Variants in DTD1 observed in about 807,000 individuals in gnomAD.
DTD1 encodes D-aminoacyl-tRNA deacylase 1.
DTD1 carries 13 observed loss-of-function variants against 25.6 expected under a neutral mutation model. The observed-to-expected ratio is 0.51, with a 90% CI of 0.33 to 0.81. The LOEUF (loss-of-function observed/expected upper bound fraction) is 0.81. Ranked by LOEUF, DTD1 falls within the 30% of genes least tolerant of loss-of-function variation. DTD1 has a pLI of 0.02. For synonymous variants in DTD1, 110 were observed against 103.6 expected (o/e 1.06, Z -0.37); for missense variants, 193 against 266.4 (o/e 0.72, Z 1.92).
chr20:18,661,371 C>CTTTTTT (rs565601536), intron 4 of DTD1, among the ~76,000 whole-genome samples: 3 of 120,210 alleles, frequency 2.5e-5, no homozygotes, highest in Non-Finnish European at 3.4e-5. Context: ...GTCTTCTAGT[C>CTTTTTT]TTTTTTTTTT....
chr20:18,636,384 CAGT>C (rs2060807480), intron 4 of DTD1, among the ~76,000 whole-genome samples: 1 of 152,186 alleles, frequency 6.6e-6, no homozygotes, highest in South Asian at 2.1e-4. Flanking sequence ...TTCTGCCAGT[CAGT>C]GGTGTTTTGC....
At chr20:18,601,523 A>G (rs6045498) in intron 3 of DTD1, among the ~76,000 whole-genome samples, 74,978 of 146,526 alleles carry the variant, frequency 0.51, 19,698 homozygotes, top group Middle Eastern at 0.56. Context: ...AAAAAAAAGC[A>G]GTCTGACAGC....
intron 4 of DTD1, chr20:18,632,280 C>G: frequency 1.0e-6 from 1 of 985,466 alleles, no homozygotes; most frequent in African/African-American, 1.7e-5. Context: ...GTTTTCTCCT[C>G]AAATACACAA....
intron 4 of DTD1, among the ~76,000 whole-genome samples, chr20:18,668,606 C>T (rs1157592408): frequency 1.3e-5 from 2 of 152,068 alleles, no homozygotes; most frequent in Admixed American, 1.3e-4. Context: ...CCTGGGGCCA[C>T]CACTGCCAGT....
At chr20:18,709,392 AT>A (rs767064995) in intron 4 of DTD1, among the ~76,000 whole-genome samples, 1 of 152,070 alleles carries the variant, frequency 6.6e-6, no homozygotes, top group Non-Finnish European at 1.5e-5. Context: ...GATGGTTGCC[AT>A]TTCCCTCCCT....
At chr20:18,687,959 TATC>T (rs1304077124) in intron 4 of DTD1, among the ~76,000 whole-genome samples, 2 of 152,236 alleles carry the variant, frequency 1.3e-5, no homozygotes, top group African/African-American at 4.8e-5. Context: ...TTAAGCAAGG[TATC>T]ATCGCATCCC....
Position 18,596,209 on chromosome 20 carries a change from T to G in DTD1, c.338T>G (p.Leu113Arg), listed in dbSNP as rs2060610812. ...EGFYNSFLEQ[L>R]RKTYRPELIK... is the part of the protein sequence containing the mutation. ...TTCTACAACAGCTTCCTGGAGCAGC[T>G]GCGTAAAACATACAGGCCGGAGCTT... is the stretch of plus-strand genomic sequence containing the variant. The change falls in exon 3 of 6, where the codon CTG becomes CGG. Residue 113 changes from leucine (L) to arginine (R), a missense_variant. Coordinates refer to ENST00000377452, the MANE Select transcript of DTD1 (RefSeq NM_080820.6). The G allele has an allele frequency of 1.2e-6, 2 of 1,613,960 alleles. No individual in the cohort carries two copies. Among genetic ancestry groups the G allele is most frequent in the Admixed American group, 1.7e-5 (1 of 59,974 alleles).
At chr20:18,646,556 G>A (rs1212986157) in intron 4 of DTD1, among the ~76,000 whole-genome samples, 6 of 152,164 alleles carry the variant, frequency 3.9e-5, no homozygotes, top group Non-Finnish European at 8.8e-5. Context: ...GGGAATTCTG[G>A]CAGGACTCCT....
chr20:18,669,376 G>C (rs1207549510), intron 4 of DTD1, among the ~76,000 whole-genome samples: 1 of 152,168 alleles, frequency 6.6e-6, no homozygotes. Context: ...CCTCCAGGCT[G>C]TGGACCTGCA....
chr20:18,680,334 G>T (rs1332530695), intron 4 of DTD1, among the ~76,000 whole-genome samples: 2 of 150,108 alleles, frequency 1.3e-5, no homozygotes, highest in Non-Finnish European at 3.0e-5. Flanking sequence ...AAAGGTGTGT[G>T]CCACCATGAC....
intron 4 of DTD1, among the ~76,000 whole-genome samples, chr20:18,743,436 G>A (rs1262782394): frequency 6.6e-6 from 1 of 152,206 alleles, no homozygotes; most frequent in Non-Finnish European, 1.5e-5. Flanking sequence ...GCTCACACCT[G>A]TAATCACAAC....
At chr20:18,661,402 T>C (rs1372781354) in intron 4 of DTD1, among the ~76,000 whole-genome samples, 21 of 147,562 alleles carry the variant, frequency 1.4e-4, no homozygotes, top group African/African-American at 3.5e-4. Context: ...GACAGAGTCT[T>C]GCTCTGTCGC....
At chr20:18,640,469 A>G (rs2060824062) in intron 4 of DTD1, among the ~76,000 whole-genome samples, 1 of 152,114 alleles carries the variant, frequency 6.6e-6, no homozygotes, top group Admixed American at 6.5e-5. Context: ...AAATATGTTT[A>G]CCCACATTTA....
intron 4 of DTD1, among the ~76,000 whole-genome samples, chr20:18,736,343 A>G (rs780361333): frequency 1.3e-5 from 2 of 152,182 alleles, no homozygotes; most frequent in African/African-American, 2.4e-5. Context: ...CTAGAGTCCA[A>G]CTGGACACAA....
chr20:18,634,793 T>C (rs577264956), intron 4 of DTD1, among the ~76,000 whole-genome samples: 1 of 152,326 alleles, frequency 6.6e-6, no homozygotes, highest in Admixed American at 6.5e-5. Context: ...GGCAGCCTTT[T>C]GATTACCTGC....
At chr20:18,709,948 T>G (rs566536714) in intron 4 of DTD1, among the ~76,000 whole-genome samples, 2 of 152,286 alleles carry the variant, frequency 1.3e-5, no homozygotes, top group East Asian at 3.9e-4. Flanking sequence ...CCTAATTTCA[T>G]TTTTGATTTT....
chr20:18,689,698 G>A (rs2061034223), intron 4 of DTD1, among the ~76,000 whole-genome samples: 1 of 152,078 alleles, frequency 6.6e-6, no homozygotes, highest in African/African-American at 2.4e-5. Context: ...GACCAGCACT[G>A]TCCAATAGAA....
chr20:18,645,925 C>T (rs750524676), intron 4 of DTD1, among the ~76,000 whole-genome samples: 1 of 152,192 alleles, frequency 6.6e-6, no homozygotes, highest in Non-Finnish European at 1.5e-5. Flanking sequence ...AGATTCTGGG[C>T]ATAGTGTATA....
chr20:18,634,063 C>T (rs937989280), intron 4 of DTD1, among the ~76,000 whole-genome samples: 1 of 152,188 alleles, frequency 6.6e-6, no homozygotes, highest in African/African-American at 2.4e-5. Context: ...GCTGTTTTGC[C>T]TGGTGCATTT....
Sources: gnomAD v4.1 joint callset for allele counts (sites outside exome capture counted in the v4.1 genomes callset) on GRCh38, gnomAD v4.1.1 for gene constraint, MANE v1.5 for transcripts, NCBI Gene and HGNC (gene_info 2026-07-23, HGNC 2026-07-21) for gene names.